Variants in CACNA2D3 observed in about 807,000 individuals in gnomAD.
CACNA2D3 encodes the protein calcium voltage-gated channel auxiliary subunit alpha2delta 3, also known as voltage-dependent calcium channel subunit alpha-2/delta-3.
A neutral mutation model predicts 160.6 loss-of-function variants in CACNA2D3; 60 were observed. That is an observed-to-expected ratio of 0.37 (90% CI 0.30 to 0.46). CACNA2D3 has a LOEUF of 0.46. CACNA2D3 is among the 20% of genes least tolerant of loss of function. The pLI is 1.00. For synonymous variants in CACNA2D3, 558 were observed against 492.9 expected, an observed-to-expected ratio of 1.13 and a Z score of -1.75; for missense variants, 1,205 against 1,365.0, an observed-to-expected ratio of 0.88 and a Z score of 1.85.
intron 35 of CACNA2D3, among the ~76,000 whole-genome samples, chr3:55,057,992 A>T (rs1704405884): frequency 6.6e-6 from 1 of 152,242 alleles, no homozygotes; most frequent in South Asian, 2.1e-4. Flanking sequence ...ATCACCAAAA[A>T]AAAATCCATA....
chr3:54,484,693 T>G (rs976899806), intron 4 of CACNA2D3, among the ~76,000 whole-genome samples: 1 of 152,196 alleles, frequency 6.6e-6, no homozygotes, highest in Non-Finnish European at 1.5e-5. Flanking sequence ...TTCTTAACTC[T>G]TGTAACTGGA....
chr3:54,536,224 C>T (rs958750723), intron 5 of CACNA2D3, among the ~76,000 whole-genome samples: 1 of 152,120 alleles, frequency 6.6e-6, no homozygotes, highest in African/African-American at 2.4e-5. Context: ...CGAAACAGGT[C>T]ATTATATGTA....
chr3:54,381,959 C>T (rs1441042949), intron 3 of CACNA2D3, among the ~76,000 whole-genome samples: 2 of 152,120 alleles, frequency 1.3e-5, no homozygotes, highest in Non-Finnish European at 2.9e-5. Context: ...CATGTGTATT[C>T]CAGTATATTG....
intron 3 of CACNA2D3, among the ~76,000 whole-genome samples, chr3:54,360,061 C>T (rs1478721088): frequency 2.0e-5 from 3 of 152,216 alleles, no homozygotes; most frequent in African/African-American, 4.8e-5. Context: ...AGTTAGCAAA[C>T]TATGGCCCAT....
At chr3:54,991,127 G>A (rs1702730809) in intron 31 of CACNA2D3, among the ~76,000 whole-genome samples, 1 of 152,034 alleles carries the variant, frequency 6.6e-6, no homozygotes, top group Non-Finnish European at 1.5e-5. Flanking sequence ...AGGCTTTCCA[G>A]TAACTCTGAG....
At chr3:54,922,958 T>C (rs1403951719) in intron 27 of CACNA2D3, among the ~76,000 whole-genome samples, 5 of 152,206 alleles carry the variant, frequency 3.3e-5, no homozygotes, top group Admixed American at 3.3e-4. Context: ...ATTAGCAATG[T>C]CTGCCAGTTC....
At chr3:54,954,275 C>T (rs1701827436) in intron 27 of CACNA2D3, among the ~76,000 whole-genome samples, 1 of 152,232 alleles carries the variant, frequency 6.6e-6, no homozygotes, top group Admixed American at 6.5e-5. Context: ...CTGGGCCTCA[C>T]TCTGAAGAGC....
chr3:54,453,021 C>G (rs901290487), intron 4 of CACNA2D3, among the ~76,000 whole-genome samples: 1 of 151,148 alleles, frequency 6.6e-6, no homozygotes, highest in Non-Finnish European at 1.5e-5. Flanking sequence ...TGACAGGGTC[C>G]CTCTCTGTCA....
chr3:54,564,265 T>C (rs1418366706), intron 6 of CACNA2D3, among the ~76,000 whole-genome samples: 1 of 152,204 alleles, frequency 6.6e-6, no homozygotes, highest in Non-Finnish European at 1.5e-5. Flanking sequence ...CACGAGGACA[T>C]TTGAAAATAA....
chr3:55,004,448 T>C (rs895309524), intron 31 of CACNA2D3, among the ~76,000 whole-genome samples: 1 of 151,908 alleles, frequency 6.6e-6, no homozygotes, highest in Non-Finnish European at 1.5e-5. Flanking sequence ...CACATTCCCT[T>C]TGGAATATCT....
rs754740480 is a variant in CACNA2D3 at position 54,385,990 on chromosome 3, A to G, written c.322-725A>G. On this transcript the variant is annotated intron_variant, in intron 3 of 37. Coordinates refer to ENST00000474759, the MANE Select transcript of CACNA2D3 (RefSeq NM_018398.3). ...TGGGAAATATCTTATTGTAGGCAAAATCAAATTAAAGTAAAAATGATTTTG... is the reference window on the plus strand; with the variant it reads ...TGGGAAATATCTTATTGTAGGCAAAGTCAAATTAAAGTAAAAATGATTTTG... 6.0e-6 allele frequency: 3 copies of G among 502,212 alleles called. No individual in the cohort carries two copies. In the East Asian group the frequency reaches 1.6e-4, roughly 28 times the overall value. 31.1% of individuals were successfully genotyped at this position (502,212 alleles called of 1,614,324 possible). A position where few individuals can be genotyped will look rare whatever the true frequency, so the allele number is the denominator to read the frequency against.
At chr3:54,928,636 A>G (rs1422503798) in intron 27 of CACNA2D3, among the ~76,000 whole-genome samples, 1 of 152,072 alleles carries the variant, frequency 6.6e-6, no homozygotes, top group Non-Finnish European at 1.5e-5. Flanking sequence ...GGACATCACA[A>G]CCTTCCTTCT....
intron 2 of CACNA2D3, among the ~76,000 whole-genome samples, chr3:54,157,310 G>T (rs1019143634): frequency 3.9e-5 from 6 of 152,146 alleles, no homozygotes; most frequent in African/African-American, 7.2e-5. Flanking sequence ...ATTACCAATG[G>T]GGGTTAGGGC....
At chr3:54,929,733 A>G (rs9835789) in intron 27 of CACNA2D3, among the ~76,000 whole-genome samples, 2,358 of 152,108 alleles carry the variant, frequency 0.016, 68 homozygotes, top group African/African-American at 0.054. Context: ...GAACTCAATG[A>G]TTTCTTCCCT....
At chr3:54,687,988 T>C (rs75049876) in intron 11 of CACNA2D3, among the ~76,000 whole-genome samples, 4,645 of 152,312 alleles carry the variant, frequency 0.03, 110 homozygotes, top group Non-Finnish European at 0.046. Flanking sequence ...TAGAACTCTG[T>C]GAATCTACTT....
At chr3:55,031,657 C>T (rs3773555) in intron 35 of CACNA2D3, among the ~76,000 whole-genome samples, 25,239 of 152,076 alleles carry the variant, frequency 0.17, 2,144 homozygotes, top group Admixed American at 0.18. Flanking sequence ...CACTTGGCAC[C>T]CCAGGGTAGA....
chr3:54,761,447 G>A (rs370186728), intron 12 of CACNA2D3, among the ~76,000 whole-genome samples: 1 of 152,152 alleles, frequency 6.6e-6, no homozygotes, highest in Non-Finnish European at 1.5e-5. Context: ...CTTATCAAAC[G>A]CTGATTGCAG....
chr3:54,237,164 C>T (rs1701895201), intron 2 of CACNA2D3, among the ~76,000 whole-genome samples: 1 of 152,040 alleles, frequency 6.6e-6, no homozygotes, highest in South Asian at 2.1e-4. Context: ...AACACCTCTT[C>T]CAGTACCCCC....
intron 35 of CACNA2D3, among the ~76,000 whole-genome samples, chr3:55,061,776 A>G (rs1256811404): frequency 1.3e-5 from 2 of 151,792 alleles, no homozygotes. Context: ...CCATCTCTGA[A>G]CCCATTGCTT....
Sources: allele counts gnomAD v4.1 joint callset (sites outside exome capture counted in the v4.1 genomes callset), GRCh38; gene constraint gnomAD v4.1.1; transcripts MANE v1.5; gene names NCBI Gene and HGNC (gene_info 2026-07-23, HGNC 2026-07-21).